DAB1: variants seen among roughly 807,000 people sequenced by gnomAD.
The protein encoded by DAB1 is disabled homolog 1.
In DAB1, 15 loss-of-function variants were observed where a neutral mutation model predicts 64.6. The ratio of observed to expected loss-of-function variants is 0.23; its 90% CI spans 0.16 to 0.36. The LOEUF (loss-of-function observed/expected upper bound fraction) is 0.36, where lower values mean the gene tolerates loss of function less well. DAB1 is among the 10% of genes least tolerant of loss of function. The probability of loss-of-function intolerance (pLI) is 1.00; values close to 1 mark genes in which losing one functional copy is unlikely to be tolerated. For synonymous variants in DAB1, 235 were observed against 251.9 expected (o/e 0.93, Z 0.64); for missense variants, 596 against 706.7 (o/e 0.84, Z 1.78).
rs185627644 is a variant in DAB1 at position 57,709,484 on chromosome 1, C to T, written n.552-59819G>A. 7.9e-4 allele frequency among the ~76,000 whole-genome samples: 120 copies of T among 152,110 alleles called. No individual in the cohort carries two copies. In the Middle Eastern group the frequency reaches 0.01, roughly 13 times the overall value. On this transcript the variant is annotated intron_variant and non_coding_transcript_variant, in intron 6 of 20. Transcript: ENST00000485760. Reference sequence around the variant, plus strand: ...TATGTTCAACTTTTATATTGAAGTGCTGTCATTGTCTGGGGTAATAACCGA... The same window carrying T: ...TATGTTCAACTTTTATATTGAAGTGTTGTCATTGTCTGGGGTAATAACCGA...
In DAB1 at chr1:57,248,190, A is replaced by C. The variant is rs1669033399; in HGVS notation, c.67+42774T>G. On this transcript the variant is annotated intron_variant, in intron 2 of 14. Coordinates refer to ENST00000371236, the MANE Select transcript of DAB1 (RefSeq NM_001365792.1). ...TGAATATGACATAAATTCTATGTAA[A>C]TAGTGAATCTATTTTATTGTTCTTT... Among the ~76,000 whole-genome samples the C allele has an allele frequency of 1.3e-5, 2 of 152,178 alleles. 1 individual carries two copies. The highest frequency in any genetic ancestry group is 4.1e-4 in the South Asian group (2 of 4,828).
intron 7 of DAB1, among the ~76,000 whole-genome samples, chr1:57,532,380 A>G (rs1644675214): frequency 6.6e-6 from 1 of 152,046 alleles, no homozygotes; most frequent in Non-Finnish European, 1.5e-5. Context: ...GTTGGATTAC[A>G]TGTCCTTTCT....
intron 7 of DAB1, among the ~76,000 whole-genome samples, chr1:57,555,389 G>GC (rs1644975941): frequency 1.8e-5 from 1 of 56,232 alleles, no homozygotes; most frequent in Non-Finnish European, 3.8e-5. Flanking sequence ...GTCTGTCTCT[G>GC]GGTTTTTTTT....
intron 5 of DAB1, among the ~76,000 whole-genome samples, chr1:57,894,507 A>C (rs1644365325): frequency 1.3e-5 from 2 of 152,190 alleles, no homozygotes; most frequent in African/African-American, 4.8e-5. Context: ...AGAAGGATTC[A>C]CAAAGGTAAA....
intron 5 of DAB1, among the ~76,000 whole-genome samples, chr1:57,889,696 C>T (rs767606495): frequency 2.6e-5 from 4 of 152,154 alleles, no homozygotes; most frequent in South Asian, 4.2e-4. Flanking sequence ...CCCAAAGGCC[C>T]GGTGAGTATG....
chr1:57,249,960 G>A (rs1669200461), intron 2 of DAB1, among the ~76,000 whole-genome samples: 1 of 152,036 alleles, frequency 6.6e-6, no homozygotes, highest in Non-Finnish European at 1.5e-5. Flanking sequence ...ATATACACAG[G>A]TTTACCTTCC....
At chr1:57,833,585 T>C (rs1652684561) in intron 1 of DAB1, among the ~76,000 whole-genome samples, 1 of 152,070 alleles carries the variant, frequency 6.6e-6, no homozygotes, top group Non-Finnish European at 1.5e-5. Context: ...TAAAGCAAGA[T>C]GTAGAGTTGA....
chr1:57,522,249 C>T (rs569888039), intron 7 of DAB1, among the ~76,000 whole-genome samples: 2 of 152,264 alleles, frequency 1.3e-5, no homozygotes, highest in African/African-American at 4.8e-5. Flanking sequence ...AGTTAGACAG[C>T]CAGAGCCCCT....
At chr1:57,039,221 A>T (rs1223064482) in intron 9 of DAB1, among the ~76,000 whole-genome samples, 2 of 152,198 alleles carry the variant, frequency 1.3e-5, no homozygotes, top group African/African-American at 4.8e-5. Context: ...AAAGAGGGAT[A>T]ACAATGCTTA....
chr1:57,086,686 C>T (rs1421214535), intron 4 of DAB1, among the ~76,000 whole-genome samples: 3 of 144,058 alleles, frequency 2.1e-5, no homozygotes, highest in Admixed American at 1.5e-4. Flanking sequence ...CACACACACA[C>T]ATGAAAAAAA....
intron 6 of DAB1, among the ~76,000 whole-genome samples, chr1:57,803,262 A>G (rs547092281): frequency 6.6e-6 from 1 of 152,372 alleles, no homozygotes; most frequent in South Asian, 2.1e-4. Flanking sequence ...GGCAAAGGAA[A>G]GTTGCCATAA....
At chr1:57,734,065 G>A (rs983982862) in intron 6 of DAB1, among the ~76,000 whole-genome samples, 1 of 152,010 alleles carries the variant, frequency 6.6e-6, no homozygotes, top group Admixed American at 6.6e-5. Context: ...CCAGGCAGCT[G>A]TGCCTTAGTG....
intron 3 of DAB1, among the ~76,000 whole-genome samples, chr1:58,493,339 C>T (rs1302808986): frequency 2.6e-5 from 4 of 152,152 alleles, no homozygotes; most frequent in African/African-American, 7.2e-5. Context: ...TGGAAGCATT[C>T]CCTTTGAAAA....
At chr1:58,124,209 C>T (rs867740454) in intron 5 of DAB1, among the ~76,000 whole-genome samples, 2 of 149,542 alleles carry the variant, frequency 1.3e-5, no homozygotes, top group Non-Finnish European at 3.0e-5. Flanking sequence ...TATATATATA[C>T]ACACACACAT....
At position 57,145,313 on chromosome 1, in the gene DAB1, G is replaced by T. The variant is rs1659005842; in HGVS notation, c.184C>A (p.Gln62Lys). 1 of 1,614,032 alleles carries T rather than the reference G, an allele frequency of 6.2e-7. No individual in the cohort carries two copies. Among genetic ancestry groups the T allele is most frequent in the Non-Finnish European group, 8.5e-7 (1 of 1,179,938 alleles). Reference protein sequence around the residue: ...VSAARGDKLCQDSMMKLKGVV... With the variant: ...VSAARGDKLCKDSMMKLKGVV... ...ACCTTGAGTTTCATCATGGAATCTTGACATAACTTGTCTCCCCGAGCTGCG... is the reference window on the plus strand; with the variant it reads ...ACCTTGAGTTTCATCATGGAATCTTTACATAACTTGTCTCCCCGAGCTGCG... The change falls in exon 3 of 15, where the codon CAA (glutamine) becomes AAA (lysine). Residue 62 changes from glutamine to lysine, a missense_variant. Gln to Lys is a moderately conservative substitution (Grantham distance 53, BLOSUM62 1). Around this residue, in one of 3 missense-constraint regions of DAB1, gnomAD observed 176 missense variants for 266.7 expected, o/e 0.66. Transcript: ENST00000371236.
chr1:58,070,486 G>A (rs747849571), intron 5 of DAB1, among the ~76,000 whole-genome samples: 5 of 152,168 alleles, frequency 3.3e-5, no homozygotes, highest in Non-Finnish European at 5.9e-5. Flanking sequence ...GGGCAGGAGC[G>A]GGGCAAGAAT....
intron 1 of DAB1, among the ~76,000 whole-genome samples, chr1:57,408,348 C>G (rs1424872621): frequency 6.6e-6 from 1 of 152,164 alleles, no homozygotes; most frequent in Non-Finnish European, 1.5e-5. Context: ...AATAGCCCTA[C>G]CCGGGTTTGA....
chr1:57,844,593 A>G (rs1262061931), intron 1 of DAB1, among the ~76,000 whole-genome samples: 6 of 152,166 alleles, frequency 3.9e-5, no homozygotes, highest in Non-Finnish European at 8.8e-5. Context: ...CTTATCCCAT[A>G]TTCCCATATG....
At chr1:57,951,584 G>T (rs1349450361) in intron 5 of DAB1, among the ~76,000 whole-genome samples, 1 of 151,858 alleles carries the variant, frequency 6.6e-6, no homozygotes, top group Non-Finnish European at 1.5e-5. Context: ...AGAGCTTTGG[G>T]AAAGTGACGT....
Sources: gnomAD v4.1 joint callset for allele counts (sites outside exome capture counted in the v4.1 genomes callset) on GRCh38, gnomAD v4.1.1 for gene constraint, gnomAD v4.1.1 regional missense constraint, MANE v1.5 for transcripts, NCBI Gene and HGNC (gene_info 2026-07-23, HGNC 2026-07-21) for gene names.